Variants in PTPRO observed in about 807,000 individuals in gnomAD.
The protein encoded by PTPRO is protein tyrosine phosphatase receptor type O, also known as receptor-type tyrosine-protein phosphatase O.
PTPRO carries 62 observed loss-of-function variants against 145.2 expected under a neutral mutation model. That is an observed-to-expected ratio of 0.43 (90% CI 0.35 to 0.53). The LOEUF is 0.53. Ranked by LOEUF, PTPRO falls within the 20% of genes least tolerant of loss-of-function variation. The probability of loss-of-function intolerance (pLI) is 0.01; values close to 1 mark genes in which losing one functional copy is unlikely to be tolerated. For missense variants in PTPRO, 1,345 were observed against 1,482.7 expected, an observed-to-expected ratio of 0.91 and a Z score of 1.53; for synonymous variants, 565 against 514.7, an observed-to-expected ratio of 1.10 and a Z score of -1.32.
intron 1 of PTPRO, among the ~76,000 whole-genome samples, chr12:15,352,820 A>C (rs1042253205): frequency 6.6e-6 from 1 of 152,142 alleles, no homozygotes; most frequent in African/African-American, 2.4e-5. Flanking sequence ...TAGCTTACAT[A>C]AACAGCCTTT....
At chr12:15,565,186 A>G (rs73313542) in intron 17 of PTPRO, among the ~76,000 whole-genome samples, 6,823 of 152,270 alleles carry the variant, frequency 0.045, 492 homozygotes, top group African/African-American at 0.15. Flanking sequence ...AGAAAACAAC[A>G]TTCCACCGTC....
rs1941831692 is a variant in PTPRO at position 15,483,909 on chromosome 12, C to T, written c.76-65C>T. 2.6e-6 allele frequency: 4 copies of T among 1,509,942 alleles called. No homozygotes were observed. The Admixed American group carries it at 5.0e-5, about 19-fold the overall frequency. 93.5% of individuals were successfully genotyped at this position (1,509,942 alleles called of 1,614,324 possible). A position where few individuals can be genotyped will look rare whatever the true frequency, so the allele number is the denominator to read the frequency against. ...CAACAATATGTAAAAATTATCTTAG[C>T]ATAACTTTATTGCCAATTATCTGAA... On this transcript the variant is annotated intron_variant, in intron 1 of 26. Coordinates refer to ENST00000281171, the MANE Select transcript of PTPRO (RefSeq NM_030667.3).
chr12:15,352,933 C>G (rs1937858749), intron 1 of PTPRO, among the ~76,000 whole-genome samples: 1 of 152,084 alleles, frequency 6.6e-6, no homozygotes, highest in Admixed American at 6.5e-5. Context: ...TCTTATATGT[C>G]AATATATCAT....
intron 1 of PTPRO, among the ~76,000 whole-genome samples, chr12:15,345,871 C>CT: frequency 6.6e-6 from 1 of 152,176 alleles, no homozygotes; most frequent in Middle Eastern, 3.4e-3. Context: ...GAAAAAATAT[C>CT]TTTTTTCCCC....
At chr12:15,379,530 CAAAAAAAAA>C (rs1211403772) in intron 1 of PTPRO, among the ~76,000 whole-genome samples, 1 of 49,454 alleles carries the variant, frequency 2.0e-5, no homozygotes, top group Non-Finnish European at 4.3e-5. Flanking sequence ...AGCTCCATCT[CAAAAAAAAA>C]AAAAAAAAAA....
At chr12:15,431,588 T>C (rs1940440805) in intron 1 of PTPRO, among the ~76,000 whole-genome samples, 1 of 152,184 alleles carries the variant, frequency 6.6e-6, no homozygotes, top group South Asian at 2.1e-4. Flanking sequence ...TTCTAATAAT[T>C]GTTATTATTC....
intron 1 of PTPRO, among the ~76,000 whole-genome samples, chr12:15,361,370 C>T (rs1191329804): frequency 2.8e-5 from 4 of 140,544 alleles, no homozygotes; most frequent in Non-Finnish European, 4.5e-5. Context: ...ACCTGGGAGG[C>T]GAAGGTTGCA....
At chr12:15,435,703 A>G (rs1054385671) in intron 1 of PTPRO, among the ~76,000 whole-genome samples, 10 of 152,100 alleles carry the variant, frequency 6.6e-5, no homozygotes, top group Non-Finnish European at 4.4e-5. Flanking sequence ...GTTGGTCCAT[A>G]GTAACCAGTA....
chr12:15,399,920 G>A (rs537157630), intron 1 of PTPRO, among the ~76,000 whole-genome samples: 6 of 150,784 alleles, frequency 4.0e-5, no homozygotes, highest in Middle Eastern at 3.4e-3. Context: ...GCGTGTTGGC[G>A]CATACCTGTA....
chr12:15,556,721 A>G (rs1275251186), intron 15 of PTPRO, among the ~76,000 whole-genome samples: 1 of 152,220 alleles, frequency 6.6e-6, no homozygotes, highest in Non-Finnish European at 1.5e-5. Flanking sequence ...GGAGGAAATC[A>G]AAATGCCATA....
At chr12:15,484,637 C>T (rs1413765655) in intron 2 of PTPRO, among the ~76,000 whole-genome samples, 1 of 152,080 alleles carries the variant, frequency 6.6e-6, no homozygotes, top group Non-Finnish European at 1.5e-5. Flanking sequence ...TGAACTGATA[C>T]TCCTATTTAA....
intron 1 of PTPRO, among the ~76,000 whole-genome samples, chr12:15,392,957 C>T (rs1939232149): frequency 6.6e-6 from 1 of 152,080 alleles, no homozygotes; most frequent in Non-Finnish European, 1.5e-5. Context: ...CACAAATGAA[C>T]ACTTTGTGGT....
chr12:15,440,125 C>T lies in PTPRO; in HGVS notation c.76-43849C>T, dbSNP rs114887315. 488 of 645,240 alleles carry T rather than the reference C, an allele frequency of 7.6e-4. 1 individual carries two copies. The African/African-American group carries it at 8.0e-3, about 11-fold the overall frequency. 40.0% of individuals were successfully genotyped at this position (645,240 alleles called of 1,614,324 possible). On this transcript the variant is annotated intron_variant, in intron 1 of 26. Transcript: ENST00000281171. Reference sequence around the variant, plus strand: ...TGCACCTCATCCCTGAGTCCAGGAACATTGGCATCATCTCAGCCCCTGTGC... The same window carrying T: ...TGCACCTCATCCCTGAGTCCAGGAATATTGGCATCATCTCAGCCCCTGTGC...
intron 12 of PTPRO, among the ~76,000 whole-genome samples, chr12:15,546,010 C>T (rs1398983440): frequency 1.5e-5 from 2 of 131,442 alleles, no homozygotes; most frequent in Admixed American, 7.4e-5. Context: ...GTGAGACCCC[C>T]GCCTCAAAAA....
chr12:15,587,404 C>G (rs1319066478), intron 24 of PTPRO, among the ~76,000 whole-genome samples: 1 of 152,130 alleles, frequency 6.6e-6, no homozygotes, highest in Non-Finnish European at 1.5e-5. Flanking sequence ...TGATATTATC[C>G]TACTCCATCA....
At chr12:15,567,314 C>T (rs1943924646) in intron 18 of PTPRO, among the ~76,000 whole-genome samples, 1 of 152,116 alleles carries the variant, frequency 6.6e-6, no homozygotes, top group Non-Finnish European at 1.5e-5. Context: ...CCACCACTAC[C>T]ATATCCCCCT....
Position 15,381,168 on chromosome 12 carries a change from A to C in PTPRO, c.75+58367A>C, listed in dbSNP as rs538397593. Among the ~76,000 whole-genome samples the C allele has an allele frequency of 6.1e-4, 93 of 152,336 alleles. No individual in the cohort carries two copies. The Middle Eastern group carries it at 0.017, about 28-fold the overall frequency. ...ATCGTGTATCCTTACAGTTTATATT[A>C]GCTAAATATTCTCAGAATACAATTT... On this transcript the variant is annotated intron_variant, in intron 1 of 26. Transcript: ENST00000281171.
intron 12 of PTPRO, among the ~76,000 whole-genome samples, chr12:15,538,503 G>A (rs193039967): frequency 2.0e-5 from 3 of 152,270 alleles, no homozygotes; most frequent in African/African-American, 7.2e-5. Context: ...GATTACAGGC[G>A]TGAGCCACCG....
intron 15 of PTPRO, among the ~76,000 whole-genome samples, chr12:15,557,100 G>C (rs777971911): frequency 4.0e-5 from 6 of 151,390 alleles, no homozygotes; most frequent in Non-Finnish European, 8.8e-5. Context: ...GAGTGCGGTG[G>C]CGCGATCTCT....
Sources: gnomAD v4.1 joint callset for allele counts (sites outside exome capture counted in the v4.1 genomes callset) on GRCh38, gnomAD v4.1.1 for gene constraint, MANE v1.5 for transcripts, NCBI Gene and HGNC (gene_info 2026-07-23, HGNC 2026-07-21) for gene names.